The following ZIM2 variants were observed in gnomAD, a reference collection of about 807,000 sequenced individuals.
ZIM2 encodes zinc finger imprinted 2.
In ZIM2, 14 loss-of-function variants were observed where a neutral mutation model predicts 38.6. That is an observed-to-expected ratio of 0.36 (90% confidence interval 0.24 to 0.57). The LOEUF is 0.57. Among genes scored for constraint, ZIM2 ranks in the 20% least tolerant of loss-of-function variants. The pLI is 0.81. For missense variants in ZIM2, 680 were observed against 695.1 expected (o/e 0.98, Z 0.24); for synonymous variants, 247 against 245.8 (o/e 1.00, Z -0.04).
intron 2 of ZIM2, among the ~76,000 whole-genome samples, chr19:56,829,227 C>T (rs2061350291): frequency 6.6e-6 from 1 of 151,688 alleles, no homozygotes; most frequent in South Asian, 2.1e-4. Context: ...GGCAGTAATC[C>T]CAGCTACTCA....
At chr19:56,800,031 G>A (rs2047433863) in intron 9 of ZIM2, among the ~76,000 whole-genome samples, 1 of 152,190 alleles carries the variant, frequency 6.6e-6, no homozygotes, top group African/African-American at 2.4e-5. Context: ...TAAGGAGACA[G>A]AGTTGGAGAC....
chr19:56,819,917 G>A (rs1033275861), intron 7 of ZIM2, among the ~76,000 whole-genome samples: 1 of 152,156 alleles, frequency 6.6e-6, no homozygotes, highest in Non-Finnish European at 1.5e-5. Flanking sequence ...GGGTTTAAGA[G>A]GGAAGCCTTA....
At chr19:56,816,613 G>A (rs1383833350) in intron 9 of ZIM2, 1 of 1,613,666 alleles carries the variant, frequency 6.2e-7, no homozygotes, top group Admixed American at 1.7e-5. Flanking sequence ...GGCTGGGCTG[G>A]GCCTAAAGGT....
At chr19:56,825,530 T>G (rs1021139306) in intron 3 of ZIM2, among the ~76,000 whole-genome samples, 5 of 151,976 alleles carry the variant, frequency 3.3e-5, no homozygotes, top group African/African-American at 1.2e-4. Flanking sequence ...TTTAAACTTT[T>G]GAGATTGGAC....
At chr19:56,812,155 C>A in intron 9 of ZIM2, 1 of 970,658 alleles carries the variant, frequency 1.0e-6, no homozygotes, top group African/African-American at 1.8e-5. Flanking sequence ...TTTTTCCAGC[C>A]AACTCAAGGC....
chr19:56,794,717 C>T (rs540085920), intron 9 of ZIM2, among the ~76,000 whole-genome samples: 6 of 152,292 alleles, frequency 3.9e-5, no homozygotes, highest in African/African-American at 1.4e-4. Context: ...TCAGGGCAGT[C>T]ACAAGAGCCC....
intron 2 of ZIM2, among the ~76,000 whole-genome samples, chr19:56,834,844 T>A (rs1322311052): frequency 6.6e-6 from 1 of 152,112 alleles, no homozygotes; most frequent in Non-Finnish European, 1.5e-5. Context: ...GAGTTTCCAT[T>A]CAGTAGACAC....
intron 2 of ZIM2, chr19:56,833,152 G>A (rs776625199): frequency 1.2e-5 from 6 of 517,212 alleles, no homozygotes; most frequent in South Asian, 4.2e-5. Context: ...CTGTGACTCC[G>A]GTTTGGCCTC....
rs1446902352 is a variant in ZIM2, at chr19:56,815,023, T to A, written c.490+2723A>T. Reference sequence around the variant, plus strand: ...ATGGGTGTGAATTACAGAATGTGTGTACTCCCGACTGTCAACCAGGCACTT... The same window carrying A: ...ATGGGTGTGAATTACAGAATGTGTGAACTCCCGACTGTCAACCAGGCACTT... On this transcript the variant is annotated intron_variant, in intron 9 of 12. Coordinates refer to ENST00000629319, the MANE Select transcript of ZIM2 (RefSeq NM_001387356.1). 4 of 1,614,080 alleles carry A rather than the reference T, an allele frequency of 2.5e-6. No homozygotes were observed. The highest frequency in any genetic ancestry group is 3.4e-6 in the Non-Finnish European group (4 of 1,180,048).
intron 10 of ZIM2, among the ~76,000 whole-genome samples, chr19:56,784,997 A>T (rs2046520924): frequency 6.6e-6 from 1 of 152,136 alleles, no homozygotes; most frequent in Non-Finnish European, 1.5e-5. Flanking sequence ...GCTCCTTCAG[A>T]TGGGTTTATT....
chr19:56,836,213 A>G, intron 1 of ZIM2, 109 bp from the exon 2 acceptor site: 1 of 369,612 alleles, frequency 2.7e-6, no homozygotes, highest in Non-Finnish European at 5.4e-6. Context: ...ATGATGGCAC[A>G]GGTCAAATGA....
chr19:56,837,297 G>T (rs904694832), intron 1 of ZIM2, among the ~76,000 whole-genome samples: 20 of 152,144 alleles, frequency 1.3e-4, no homozygotes, highest in African/African-American at 4.6e-4. Flanking sequence ...TAGTTCCCAT[G>T]CACTGCCCCT....
intron 1 of ZIM2, among the ~76,000 whole-genome samples, chr19:56,839,184 G>C (rs369029108): frequency 6.6e-6 from 1 of 152,086 alleles, no homozygotes; most frequent in South Asian, 2.1e-4. Flanking sequence ...ATGCCACCCT[G>C]TCACTTCAGC....
chr19:56,808,972 A>G (rs943429053), intron 9 of ZIM2, among the ~76,000 whole-genome samples: 3 of 152,142 alleles, frequency 2.0e-5, no homozygotes, highest in East Asian at 3.9e-4. Context: ...ATCAACTGAC[A>G]CCAGGGAGAG....
chr19:56,824,915 GC>G (rs1186743151), intron 3 of ZIM2: 1 of 419,750 alleles, frequency 2.4e-6, no homozygotes, highest in African/African-American at 2.0e-5. Flanking sequence ...TGACCTCTGG[GC>G]TTCACAGAGA....
intron 9 of ZIM2, chr19:56,815,777 G>A (rs751288968): frequency 3.1e-6 from 5 of 1,613,660 alleles, no homozygotes; most frequent in Admixed American, 3.3e-5. Flanking sequence ...TCATAGTTGC[G>A]ATTCTTACTG....
chr19:56,832,608 G>A (rs1362420218), intron 2 of ZIM2, among the ~76,000 whole-genome samples: 2 of 152,158 alleles, frequency 1.3e-5, no homozygotes, highest in South Asian at 2.1e-4. Flanking sequence ...AGCAGTTAGG[G>A]GCACACAAGG....
chr19:56,815,776 C>G, intron 9 of ZIM2: 1 of 1,613,608 alleles, frequency 6.2e-7, no homozygotes, highest in Non-Finnish European at 8.5e-7. Context: ...TTCATAGTTG[C>G]GATTCTTACT....
chr19:56,825,652 T>C (rs2060952322), intron 3 of ZIM2, among the ~76,000 whole-genome samples: 1 of 152,210 alleles, frequency 6.6e-6, no homozygotes, highest in Non-Finnish European at 1.5e-5. Flanking sequence ...TTTTAATGAC[T>C]GGTCAGCACA....
Sources: allele counts gnomAD v4.1 joint callset (sites outside exome capture counted in the v4.1 genomes callset), GRCh38; gene constraint gnomAD v4.1.1; transcripts MANE v1.5; gene names NCBI Gene and HGNC (gene_info 2026-07-23, HGNC 2026-07-21).